The following METTL22 variants were observed in gnomAD, a reference collection of about 807,000 sequenced individuals.
METTL22 encodes the protein methyltransferase 22, Kin17 lysine.
METTL22 carries 51 observed loss-of-function variants against 48.4 expected under a neutral mutation model. The ratio of observed to expected loss-of-function variants is 1.05; its 90% CI spans 0.84 to 1.33. The LOEUF is 1.33. Among genes scored for constraint, METTL22 ranks in the 40% most tolerant of loss-of-function variants. The pLI, the probability that METTL22 is intolerant of heterozygous loss-of-function variation, is 0.00. For synonymous variants in METTL22, 255 were observed against 214.1 expected (o/e 1.19, Z -1.67); for missense variants, 678 against 526.9 (o/e 1.29, Z -2.81).
chr16:8,640,946 G>GGCTGGCTGGCTGGC lies in METTL22; in HGVS notation c.773-185_773-184insGCTGGCTGGCTGGC, dbSNP rs1332913099. 8.5e-5 allele frequency among the ~76,000 whole-genome samples: 3 copies of GGCTGGCTGGCTGGC among 35,218 alleles called. 1 individual carries two copies. The highest frequency in any genetic ancestry group is 1.1e-4 in the Non-Finnish European group (2 of 18,062). The allele number at this position is 35,218 out of a possible 152,430, so 23.1% of individuals were successfully genotyped here. A position where few individuals can be genotyped will look rare whatever the true frequency, so the allele number is the denominator to read the frequency against. Reference sequence around the variant, plus strand: ...GATGGATGGATGGATGGATGGATGGGTGGGTGGATGGCTGGCTGGCTGGCT... The same window carrying GGCTGGCTGGCTGGC: ...GATGGATGGATGGATGGATGGATGGGGCTGGCTGGCTGGCTGGGTGGATGGCTGGCTGGCTGGCT... On this transcript the variant is annotated intron_variant, in intron 6 of 10. Coordinates refer to ENST00000381920, the MANE Select transcript of METTL22 (RefSeq NM_024109.4).
chr16:8,653,648 TC>T (rs996742345), downstream of METTL22, among the ~76,000 whole-genome samples: 1 of 152,204 alleles, frequency 6.6e-6, no homozygotes, highest in African/African-American at 2.4e-5. Flanking sequence ...TGAATTGGTT[TC>T]CCATGGGAAG....
chr16:8,637,531 T>C (rs1402631835), intron 5 of METTL22, among the ~76,000 whole-genome samples: 2 of 152,274 alleles, frequency 1.3e-5, no homozygotes, highest in Non-Finnish European at 2.9e-5. Flanking sequence ...ACAGTGACTC[T>C]GGGCAGAGCC....
At chr16:8,623,238 G>A (rs1425496779) in intron 1 of METTL22, among the ~76,000 whole-genome samples, 1 of 151,770 alleles carries the variant, frequency 6.6e-6, no homozygotes, top group African/African-American at 2.4e-5. Context: ...TTGAGCCCAG[G>A]AGGCGGAGGT....
rs764058070 is a variant in METTL22 at position 8,646,277 on chromosome 16, C to A, written c.*134C>A. 6 of 1,166,108 alleles carry A rather than the reference C, an allele frequency of 5.1e-6. No homozygotes were observed. The highest frequency in any genetic ancestry group is 5.0e-6 in the Non-Finnish European group (4 of 798,258). 72.2% of individuals were successfully genotyped at this position (1,166,108 alleles called of 1,614,324 possible). A position where few individuals can be genotyped will look rare whatever the true frequency, so the allele number is the denominator to read the frequency against. The stretch of plus-strand genomic sequence containing the variant: ...ATGGTTACACGTACCTTAGATGACC[C>A]AAGATGGTTTTCTGGGGTCTGTCCC... On this transcript the variant is annotated 3_prime_UTR_variant, in exon 11 of 11. Coordinates refer to ENST00000381920, the MANE Select transcript of METTL22 (RefSeq NM_024109.4).
rs201309316 is a variant in METTL22, at chr16:8,644,634, A to G, written c.1088A>G (p.Glu363Gly). 250 of 1,606,784 alleles carry G rather than the reference A, an allele frequency of 1.6e-4. No individual in the cohort carries two copies. The highest frequency in any genetic ancestry group is 1.5e-4 in the Non-Finnish European group (181 of 1,176,774). Residue 363 changes from glutamate (E) to glycine (G), a missense_variant, in exon 10 of 11, where the codon GAG becomes GGG. Physicochemically the swap from Glu to Gly is moderately conservative, Grantham distance 98 (BLOSUM62 -2). Transcript: ENST00000381920. ...DHFRSCLHAL[E>G]QLADGKLRFV... ...TTCCGCTCCTGCCTGCACGCGCTGGAGCAGCTCGCAGATGGCAAGCTGCGC... is the reference window on the plus strand; with the variant it reads ...TTCCGCTCCTGCCTGCACGCGCTGGGGCAGCTCGCAGATGGCAAGCTGCGC...
Position 8,647,025 on chromosome 16 carries a change from C to T in METTL22, c.*882C>T. 1.4e-5 allele frequency: 4 copies of T among 292,702 alleles called. No homozygotes were observed. The highest frequency in any genetic ancestry group is 1.3e-4 in the South Asian group (4 of 31,454). 18.1% of individuals were successfully genotyped at this position (292,702 alleles called of 1,614,324 possible). ...CCTTGGCCCTCCCTGCAGCCCCTTT[C>T]CCCTGCCTTGCTGCTGCCGCACACT... On this transcript the variant is annotated 3_prime_UTR_variant, in exon 11 of 11. Coordinates refer to ENST00000381920, the MANE Select transcript of METTL22 (RefSeq NM_024109.4).
intron 3 of METTL22, among the ~76,000 whole-genome samples, chr16:8,629,393 A>C (rs1040908228): frequency 5.9e-5 from 9 of 152,292 alleles, no homozygotes; most frequent in African/African-American, 2.2e-4. Context: ...ATTGCCGTAC[A>C]GTTTCCAGCT....
At chr16:8,650,995 T>C (rs1173010069), downstream of METTL22, among the ~76,000 whole-genome samples, 1 of 152,140 alleles carries the variant, frequency 6.6e-6, no homozygotes, top group African/African-American at 2.4e-5. Flanking sequence ...CACTCCAGCC[T>C]GGGTGACAGA....
chr16:8,641,079 T>C (rs2056600508), intron 6 of METTL22, 52 bp from the exon 7 acceptor site: 2 of 1,555,984 alleles, frequency 1.3e-6, no homozygotes, highest in Non-Finnish European at 1.8e-6. Flanking sequence ...TTATCTTTTT[T>C]TCCTGATGAT....
chr16:8,639,498 A>T lies in METTL22; in HGVS notation c.772+336A>T, dbSNP rs1035025341. On this transcript the variant is annotated intron_variant, in intron 6 of 10. Coordinates refer to ENST00000381920, the MANE Select transcript of METTL22 (RefSeq NM_024109.4). ...ATCCAGAGTGCCCTTTCTCAGATGC[A>T]AGCCAGTCCACTTCACTTGCTGCTG... 3.0e-5 allele frequency: 10 copies of T among 338,924 alleles called. 1 individual carries two copies. Among genetic ancestry groups the T allele is most frequent in the Admixed American group, 2.8e-4 (7 of 24,772 alleles). The allele number at this position is 338,924 out of a possible 1,614,324, so 21.0% of individuals were successfully genotyped here.
At position 8,641,842 on chromosome 16, in the gene METTL22, C is replaced by A. The variant is rs559255521; in HGVS notation, c.827-285C>A. Reference sequence around the variant, plus strand: ...AGCAGGCAGAAGGGGGAGATCATGTCCTGCACTGGGCCACAGGCCAAGGCA... The same window carrying A: ...AGCAGGCAGAAGGGGGAGATCATGTACTGCACTGGGCCACAGGCCAAGGCA... On this transcript the variant is annotated intron_variant, in intron 7 of 10. Coordinates refer to ENST00000381920, the MANE Select transcript of METTL22 (RefSeq NM_024109.4). The A allele has an allele frequency of 5.3e-4, 293 of 549,176 alleles. No individual in the cohort carries two copies. The East Asian group carries it at 8.5e-3, about 16-fold the overall frequency. The allele number at this position is 549,176 out of a possible 1,614,324, so 34.0% of individuals were successfully genotyped here. A position where few individuals can be genotyped will look rare whatever the true frequency, so the allele number is the denominator to read the frequency against.
chr16:8,644,576 C>A lies in METTL22; in HGVS notation c.1030C>A (p.His344Asn). The A allele has an allele frequency of 6.4e-7, 1 of 1,573,478 alleles. No homozygotes were observed. The highest frequency in any genetic ancestry group is 8.6e-7 in the Non-Finnish European group (1 of 1,157,350). Residue 344 changes from histidine (H) to asparagine (N), a missense_variant, in exon 10 of 11, where the codon CAC becomes AAC. His to Asn is a moderately conservative substitution (Grantham distance 68). Transcript: ENST00000381920. ...TTGCAGGCTCAACTTCACATTGAGA[C>A]ACTTGGACGTCACATGTGAAGCCTA... ...VEKRLNFTLR[H>N]LDVTCEAYDH... is the part of the protein sequence containing the mutation.
intron 3 of METTL22, among the ~76,000 whole-genome samples, chr16:8,632,590 T>C (rs1441265630): frequency 1.3e-5 from 2 of 152,144 alleles, no homozygotes; most frequent in Admixed American, 6.5e-5. Context: ...GCTTCAGTGA[T>C]CTCCACCTGT....
At chr16:8,661,435 A>G in the METTL22 span, among the ~76,000 whole-genome samples, 2 of 148,126 alleles carry the variant, frequency 1.4e-5, no homozygotes, top group African/African-American at 5.0e-5. Context: ...TCACGAGGTC[A>G]GGAGATCGAG....
At position 8,647,855 on chromosome 16, in the gene METTL22, A is replaced by G. The variant is rs2056831358; in HGVS notation, c.*1712A>G. On this transcript the variant is annotated 3_prime_UTR_variant, in exon 11 of 11. Transcript: ENST00000381920. ...AGTGATCCCTATTTTGCACATGAGA[A>G]ATCCAAAATTCAGAGAGGTTCAGCA... is the stretch of plus-strand genomic sequence containing the variant. The G allele has an allele frequency of 6.6e-6, 1 of 152,264 alleles. No individual in the cohort carries two copies. The highest frequency in any genetic ancestry group is 2.4e-5 in the African/African-American group (1 of 41,466). 9.4% of individuals were successfully genotyped at this position (152,264 alleles called of 1,614,324 possible).
At chr16:8,664,908 C>G in the METTL22 span, among the ~76,000 whole-genome samples, 2 of 152,112 alleles carry the variant, frequency 1.3e-5, no homozygotes, top group Admixed American at 1.3e-4. Flanking sequence ...TGAAAATCAT[C>G]TCACCTGCTT....
rs1567238855 is a variant in METTL22, at chr16:8,639,079, C to T, written c.701-12C>T. On this transcript the variant is annotated splice_polypyrimidine_tract_variant and intron_variant, in intron 5 of 10. Transcript: ENST00000381920. The stretch of plus-strand genomic sequence containing the variant: ...TGGCTGGCACTTTATGGCTTGCCCT[C>T]TGTCATTCCAGATGTCGGTGCAGAT... 5 of 1,614,034 alleles carry T rather than the reference C, an allele frequency of 3.1e-6. No homozygotes were observed. Among genetic ancestry groups the T allele is most frequent in the African/African-American group, 1.3e-5 (1 of 75,070 alleles).
chr16:8,625,752 G>C lies in METTL22; in HGVS notation c.87G>C (p.Pro29=). The C allele has an allele frequency of 6.2e-7, 1 of 1,614,142 alleles. No individual in the cohort carries two copies. Among genetic ancestry groups the C allele is most frequent in the Non-Finnish European group, 8.5e-7 (1 of 1,180,010 alleles). The part of the protein sequence containing the change: ...TVLSDVHLYT[P]NHRHLMVRLN... Reference sequence around the variant, plus strand: ...TGTCAGATGTCCACCTCTATACCCCGAACCATAGACATCTCATGGTACGGC... The same window carrying C: ...TGTCAGATGTCCACCTCTATACCCCCAACCATAGACATCTCATGGTACGGC... Residue 29 remains proline, a synonymous_variant, in exon 2 of 11, where the codon CCG becomes CCC. Transcript: ENST00000381920.
chr16:8,633,663 C>G (rs1054794675), intron 3 of METTL22, among the ~76,000 whole-genome samples: 6 of 152,230 alleles, frequency 3.9e-5, no homozygotes, highest in Admixed American at 1.3e-4. Context: ...GCATCTGCCA[C>G]TCACCCTCTC....
Sources: allele counts gnomAD v4.1 joint callset (sites outside exome capture counted in the v4.1 genomes callset), GRCh38; gene constraint gnomAD v4.1.1; transcripts MANE v1.5; gene names NCBI Gene and HGNC (gene_info 2026-07-23, HGNC 2026-07-21).